MAP4: variants seen among roughly 807,000 people sequenced by gnomAD.
MAP4 encodes microtubule associated protein 4, also known as microtubule-associated protein 4.
A neutral mutation model predicts 170.2 loss-of-function variants in MAP4; 76 were observed. The observed-to-expected ratio is 0.45, with a 90% CI of 0.37 to 0.54. The LOEUF (loss-of-function observed/expected upper bound fraction) is 0.54, where lower values mean the gene tolerates loss of function less well. MAP4 is among the 20% of genes least tolerant of loss of function. MAP4 has a pLI of 0.00. For missense variants in MAP4, 2,506 were observed against 2,748.0 expected, an observed-to-expected ratio of 0.91 and a Z score of 1.97; for synonymous variants, 909 against 994.5, an observed-to-expected ratio of 0.91 and a Z score of 1.62.
intron 2 of MAP4, among the ~76,000 whole-genome samples, chr3:47,995,851 T>A (rs1015910865): frequency 6.6e-6 from 1 of 152,152 alleles, no homozygotes; most frequent in Non-Finnish European, 1.5e-5. Flanking sequence ...TATCAGAGCA[T>A]GTGCAGAAGA....
chr3:47,975,631 G>C (rs1463692784), intron 3 of MAP4, among the ~76,000 whole-genome samples: 1 of 152,108 alleles, frequency 6.6e-6, no homozygotes, highest in African/African-American at 2.4e-5. Flanking sequence ...CATTCTGAAG[G>C]AAACAGAAAT....
chr3:47,865,503 G>A (rs1284781059), intron 17 of MAP4, among the ~76,000 whole-genome samples: 4 of 132,940 alleles, frequency 3.0e-5, no homozygotes, highest in Admixed American at 2.3e-4. Context: ...TGACCAGGAA[G>A]GAGGGGCAGG....
intron 3 of MAP4, among the ~76,000 whole-genome samples, chr3:47,930,784 C>T (rs1001404975): frequency 6.6e-6 from 1 of 151,796 alleles, no homozygotes; most frequent in African/African-American, 2.4e-5. Context: ...AAAAAATTAG[C>T]CGGGCATGGT....
chr3:47,998,548 G>A (rs2100097308), intron 2 of MAP4, 90 bp downstream of exon 2: 1 of 1,027,388 alleles, frequency 9.7e-7, no homozygotes, highest in Admixed American at 2.1e-5. Flanking sequence ...AAAAAACTCA[G>A]CTCAATTCTC....
intron 6 of MAP4, among the ~76,000 whole-genome samples, chr3:47,918,394 A>C (rs905805661): frequency 6.6e-6 from 1 of 152,210 alleles, no homozygotes. Flanking sequence ...TGCTGGGATT[A>C]TAAGTGTGAG....
chr3:47,876,116 GTTTCTT>G (rs956399586), intron 11 of MAP4, among the ~76,000 whole-genome samples: 7 of 143,206 alleles, frequency 4.9e-5, no homozygotes, highest in African/African-American at 1.1e-4. Context: ...ATGGGGAATA[GTTTCTT>G]TTTCTTTTTC....
chr3:47,943,160 T>TA (rs1180037635), intron 3 of MAP4, among the ~76,000 whole-genome samples: 2 of 152,114 alleles, frequency 1.3e-5, no homozygotes, highest in Admixed American at 6.6e-5. Context: ...AGTATTTCAA[T>TA]AAAAAAAGTG....
At chr3:48,072,675 T>C (rs1457652879) in intron 1 of MAP4, among the ~76,000 whole-genome samples, 4 of 152,152 alleles carry the variant, frequency 2.6e-5, no homozygotes, top group African/African-American at 4.8e-5. Flanking sequence ...GCAAAAGGTA[T>C]AGAAGAGCAG....
At chr3:47,986,053 C>A (rs1186628572) in intron 2 of MAP4, among the ~76,000 whole-genome samples, 2 of 152,198 alleles carry the variant, frequency 1.3e-5, no homozygotes, top group Non-Finnish European at 2.9e-5. Context: ...ATGTGCAAAA[C>A]AGTAATGATA....
Position 47,852,103 on chromosome 3 carries a change from C to T in MAP4, c.*831G>A, listed in dbSNP as rs1268747804. On this transcript the variant is annotated 3_prime_UTR_variant, in exon 21 of 21. Coordinates refer to ENST00000683076, the MANE Select transcript of MAP4 (RefSeq NM_001385682.1). ...TGCACCCCTCTTCCCTGCCGCACCG[C>T]CTCCAGGGCCCTAAGCTGCCCACAT... 1 of 152,752 alleles carries T rather than the reference C, an allele frequency of 6.5e-6. No homozygotes were observed. Among genetic ancestry groups the T allele is most frequent in the African/African-American group, 2.4e-5 (1 of 41,484 alleles). The allele number at this position is 152,752 out of a possible 1,614,324, so 9.5% of individuals were successfully genotyped here.
chr3:47,978,080 A>G (rs1034091056), intron 2 of MAP4, 147 bp from the exon 3 acceptor site: 24 of 573,046 alleles, frequency 4.2e-5, no homozygotes, highest in African/African-American at 1.3e-4. Flanking sequence ...AACATTTAAC[A>G]AAAGGAAACC....
intron 3 of MAP4, among the ~76,000 whole-genome samples, chr3:47,951,159 A>G (rs1042446354): frequency 1.3e-5 from 2 of 152,212 alleles, no homozygotes; most frequent in African/African-American, 4.8e-5. Flanking sequence ...TTTACAGCAT[A>G]TTCTTAAATA....
At chr3:48,059,523 A>AT in intron 1 of MAP4, among the ~76,000 whole-genome samples, 1 of 150,870 alleles carries the variant, frequency 6.6e-6, no homozygotes, top group Admixed American at 6.6e-5. Flanking sequence ...TCAAAAAAAA[A>AT]AAAAAAAAAA....
chr3:47,933,657 G>C (rs2100051164), intron 3 of MAP4, among the ~76,000 whole-genome samples: 1 of 148,694 alleles, frequency 6.7e-6, no homozygotes. Context: ...CTGGAGTGCA[G>C]TGGCGCGATC....
At chr3:47,989,905 T>G (rs906641902) in intron 2 of MAP4, among the ~76,000 whole-genome samples, 31 of 152,302 alleles carry the variant, frequency 2.0e-4, no homozygotes, top group Middle Eastern at 3.4e-3. Flanking sequence ...TAGCACACTT[T>G]TTTTTTTTAG....
chr3:48,012,583 T>C (rs1197855304), intron 1 of MAP4, among the ~76,000 whole-genome samples: 10 of 152,210 alleles, frequency 6.6e-5, no homozygotes. Context: ...AAATATCATT[T>C]ATCAGAATGC....
chr3:47,993,334 C>CA (rs34294539), intron 2 of MAP4, among the ~76,000 whole-genome samples: 2 of 150,478 alleles, frequency 1.3e-5, no homozygotes, highest in Non-Finnish European at 3.0e-5. Context: ...GACTCTGTCT[C>CA]AAAAAAAGAA....
chr3:48,034,830 T>C (rs771514250), intron 1 of MAP4, among the ~76,000 whole-genome samples: 1 of 151,886 alleles, frequency 6.6e-6, no homozygotes, highest in African/African-American at 2.4e-5. Context: ...CTAGGCAACA[T>C]ACTGAGACCT....
At position 47,914,923 on chromosome 3, in the gene MAP4, C is replaced by T. The variant is rs774227826; in HGVS notation, c.1893G>A (p.Thr631=). ...CGGCCGGCAAGCTGCACTTTTTCCC[C>T]GTTCCTGTGACGGTTTCTAAAGGTA... ...FMISPETVTG[T]GKKCSLPAEE... Residue 631 remains threonine, a synonymous_variant, in exon 8 of 21, where the codon ACG becomes ACA. Transcript: ENST00000683076. 1.7e-5 allele frequency: 27 copies of T among 1,613,920 alleles called. No individual in the cohort carries two copies. Among genetic ancestry groups the T allele is most frequent in the Admixed American group, 5.0e-5 (3 of 59,982 alleles).
Sources: gnomAD v4.1 joint callset for allele counts (sites outside exome capture counted in the v4.1 genomes callset) on GRCh38, gnomAD v4.1.1 for gene constraint, MANE v1.5 for transcripts, NCBI Gene and HGNC (gene_info 2026-07-23, HGNC 2026-07-21) for gene names.